INPP5D: variants seen among roughly 807,000 people sequenced by gnomAD.
INPP5D encodes the protein phosphatidylinositol 3,4,5-trisphosphate 5-phosphatase 1.
In INPP5D, 33 loss-of-function variants were observed where a neutral mutation model predicts 122.9. The ratio of observed to expected loss-of-function variants is 0.27; its 90% CI spans 0.20 to 0.36. The LOEUF is 0.36. Among genes scored for constraint, INPP5D ranks in the 10% least tolerant of loss-of-function variants. The pLI is 1.00. For missense variants in INPP5D, 1,053 were observed against 1,412.7 expected, an observed-to-expected ratio of 0.75 and a Z score of 4.08; for synonymous variants, 584 against 576.2, an observed-to-expected ratio of 1.01 and a Z score of -0.19.
In INPP5D at chr2:233,145,930, G is replaced by T. The variant is rs751502187; in HGVS notation, c.754-232G>T. On this transcript the variant is annotated intron_variant, in intron 6 of 26. Coordinates refer to ENST00000445964, the MANE Select transcript of INPP5D (RefSeq NM_001017915.3). ...GTGGGTGAGGTGAGAAGCACCGGGG[G>T]AGAGGCAGATTTACAGGGAAGAAGA... The T allele has an allele frequency of 1.8e-5, 12 of 672,670 alleles. No individual in the cohort carries two copies. In the South Asian group the frequency reaches 1.8e-4, roughly 10 times the overall value. 41.7% of individuals were successfully genotyped at this position (672,670 alleles called of 1,614,324 possible).
intron 17 of INPP5D, among the ~76,000 whole-genome samples, chr2:233,176,356 G>GATGGATGGATGA (rs59316189): frequency 0.16 from 21,697 of 138,906 alleles, 2,154 homozygotes; most frequent in East Asian, 0.2. Flanking sequence ...TGGATGGATG[G>GATGGATGGATGA]ATAGGCGAAT....
chr2:233,064,590 C>T (rs531646751), intron 1 of INPP5D, among the ~76,000 whole-genome samples: 1 of 152,352 alleles, frequency 6.6e-6, no homozygotes, highest in East Asian at 1.9e-4. Context: ...CTCCACTTTA[C>T]AGATGGGGAA....
intron 23 of INPP5D, 51 bp from the exon 24 acceptor site, chr2:233,195,348 A>G: frequency 6.2e-7 from 1 of 1,612,890 alleles, no homozygotes; most frequent in East Asian, 2.2e-5. Context: ...CCCTCGCCTA[A>G]GCTCTGGAAG....
intron 9 of INPP5D, among the ~76,000 whole-genome samples, chr2:233,150,790 C>T (rs764402561): frequency 3.9e-5 from 6 of 152,192 alleles, no homozygotes; most frequent in Middle Eastern, 3.4e-3. Flanking sequence ...AGGTTAGTCC[C>T]GAGGGAGGAC....
At chr2:233,068,544 G>A (rs1018308198) in intron 1 of INPP5D, among the ~76,000 whole-genome samples, 8 of 152,038 alleles carry the variant, frequency 5.3e-5, no homozygotes, top group Non-Finnish European at 7.4e-5. Context: ...GCAGTGAGCC[G>A]AGATCGTGCC....
Position 233,146,935 on chromosome 2 carries a change from C to T in INPP5D, c.906+497C>T, listed in dbSNP as rs139534990. Among the ~76,000 whole-genome samples, 1,357 of 152,232 alleles carry T rather than the reference C, an allele frequency of 8.9e-3. 24 individuals carry two copies. Among genetic ancestry groups the T allele is most frequent in the African/African-American group, 0.031 (1,294 of 41,516 alleles). ...AAATTCAGGAATCCAGTGTGAGACC[C>T]GCACCCCCTCCGCCACACACACATT... On this transcript the variant is annotated intron_variant, in intron 8 of 26. Transcript: ENST00000445964.
intron 5 of INPP5D, among the ~76,000 whole-genome samples, chr2:233,138,516 CG>C (rs1245529402): frequency 6.6e-6 from 1 of 151,890 alleles, no homozygotes; most frequent in Admixed American, 6.6e-5. Context: ...TTTATTCATC[CG>C]TATTGAAGTG....
intron 2 of INPP5D, among the ~76,000 whole-genome samples, chr2:233,116,804 C>T (rs754244548): frequency 2.0e-5 from 3 of 150,446 alleles, no homozygotes; most frequent in Non-Finnish European, 4.4e-5. Flanking sequence ...ACCATGTTGG[C>T]CAAGCTAGTC....
chr2:233,141,098 GCT>G (rs1394904838), intron 6 of INPP5D: 3 of 152,128 alleles, frequency 2.0e-5, no homozygotes, highest in Non-Finnish European at 4.4e-5. Context: ...TGGAGGAGGT[GCT>G]CACAGGGGCT....
At chr2:233,202,767 A>T (rs113422235) in intron 25 of INPP5D, among the ~76,000 whole-genome samples, 2 of 152,228 alleles carry the variant, frequency 1.3e-5, no homozygotes, top group African/African-American at 4.8e-5. Flanking sequence ...TCGTTCTCAT[A>T]GTTTGCTCAG....
intron 2 of INPP5D, among the ~76,000 whole-genome samples, chr2:233,104,464 G>C (rs996389612): frequency 2.0e-5 from 3 of 152,134 alleles, no homozygotes; most frequent in Non-Finnish European, 4.4e-5. Context: ...AGCTGGTTCA[G>C]GGACTCACGG....
At chr2:233,187,178 T>TGTC (rs78669392) in intron 21 of INPP5D, among the ~76,000 whole-genome samples, 14,767 of 152,138 alleles carry the variant, frequency 0.097, 1,067 homozygotes, top group East Asian at 0.32. Context: ...AGTGAGACGC[T>TGTC]GTCTCTTTTT....
chr2:233,133,113 T>G (rs1693375758), intron 5 of INPP5D, among the ~76,000 whole-genome samples: 1 of 152,014 alleles, frequency 6.6e-6, no homozygotes, highest in South Asian at 2.1e-4. Flanking sequence ...TTATATTTTT[T>G]GTAGAGATGG....
rs1040723185 is a variant in INPP5D, at chr2:233,128,547, G to A, written c.525-1961G>A. Among the ~76,000 whole-genome samples the A allele has an allele frequency of 3.3e-5, 5 of 152,180 alleles. No individual in the cohort carries two copies. The South Asian group carries it at 1.0e-3, about 32-fold the overall frequency. On this transcript the variant is annotated intron_variant, in intron 4 of 26. Transcript: ENST00000445964. This position sits in a 1 kb window ranked among gnomAD's most constrained non-coding sequence, Gnocchi z 4.5. ...AGCTGGAACACAGTGGCGCGATCTC[G>A]GCTCACTGCAACCTCTACCTCCTGG...
intron 24 of INPP5D, among the ~76,000 whole-genome samples, chr2:233,196,746 A>G: frequency 6.6e-6 from 1 of 152,124 alleles, no homozygotes; most frequent in South Asian, 2.1e-4. Context: ...TTGCCGGCTC[A>G]CCAGCCGAGG....
At chr2:233,068,678 T>C (rs1468104085) in intron 1 of INPP5D, among the ~76,000 whole-genome samples, 4 of 152,106 alleles carry the variant, frequency 2.6e-5, no homozygotes, top group Non-Finnish European at 5.9e-5. Flanking sequence ...ACAGGACCCA[T>C]CTGTGAAGAA....
At chr2:233,083,768 G>A (rs1445996153) in intron 2 of INPP5D, among the ~76,000 whole-genome samples, 1 of 152,168 alleles carries the variant, frequency 6.6e-6, no homozygotes, top group Non-Finnish European at 1.5e-5. Context: ...GGTGGCCAGG[G>A]AGGCCTGGAG....
rs574755825 is a variant in INPP5D at position 233,148,370 on chromosome 2, G to A, written c.1030+776G>A. On this transcript the variant is annotated intron_variant, in intron 9 of 26. Transcript: ENST00000445964. ...GGGGTAGAGGTTAACTGGCAAGAGG[G>A]GATAGTGTAGAAAGGGCAGACATGG... Among the ~76,000 whole-genome samples the A allele has an allele frequency of 2.6e-5, 4 of 152,302 alleles. No individual in the cohort carries two copies. In the South Asian group the frequency reaches 8.3e-4, roughly 32 times the overall value.
At chr2:233,130,091 G>A (rs111508876) in intron 4 of INPP5D, among the ~76,000 whole-genome samples, 28 of 152,006 alleles carry the variant, frequency 1.8e-4, no homozygotes, top group African/African-American at 6.0e-4. Flanking sequence ...TAGTAGAGGC[G>A]GGGTTTCCCC....
Sources: gnomAD v4.1 joint callset for allele counts (sites outside exome capture counted in the v4.1 genomes callset) on GRCh38, gnomAD v4.1.1 for gene constraint, Gnocchi (gnomAD v3.1) non-coding constraint, MANE v1.5 for transcripts, NCBI Gene and HGNC (gene_info 2026-07-23, HGNC 2026-07-21) for gene names.